The following DAB1 variants were observed in gnomAD, a reference collection of about 807,000 sequenced individuals.
The protein encoded by DAB1 is disabled homolog 1.
Under a neutral mutation model 64.6 loss-of-function variants are expected in DAB1, and 15 were observed. The observed-to-expected ratio is 0.23, with a 90% CI of 0.16 to 0.36. The LOEUF (loss-of-function observed/expected upper bound fraction) is 0.36. Among genes scored for constraint, DAB1 ranks in the 10% least tolerant of loss-of-function variants. The pLI is 1.00. For synonymous variants in DAB1, 235 were observed against 251.9 expected (o/e 0.93, Z 0.64); for missense variants, 596 against 706.7 (o/e 0.84, Z 1.78).
rs190833793 is a variant in DAB1, at chr1:58,445,300, G to A, written n.257+60760C>T. Among the ~76,000 whole-genome samples the A allele has an allele frequency of 1.4e-3, 213 of 152,318 alleles. 1 individual carries two copies. The highest frequency in any genetic ancestry group is 5.0e-3 in the African/African-American group (206 of 41,566). On this transcript the variant is annotated intron_variant and non_coding_transcript_variant, in intron 3 of 20. Coordinates refer to the DAB1 transcript ENST00000485760. The stretch of plus-strand genomic sequence containing the variant: ...ACTATATTAGTAGCAGTAGTATAAA[G>A]TTCCCAATAATTGGATGAAATAAAA...
intron 4 of DAB1, among the ~76,000 whole-genome samples, chr1:57,129,910 G>C (rs556204): frequency 0.26 from 38,795 of 151,790 alleles, 6,918 homozygotes; most frequent in African/African-American, 0.51. Context: ...CCTCCCTTCT[G>C]TGTTTCATTC....
chr1:57,586,721 T>A (rs1213036947), intron 7 of DAB1, among the ~76,000 whole-genome samples: 1 of 151,734 alleles, frequency 6.6e-6, no homozygotes, highest in Non-Finnish European at 1.5e-5. Context: ...TTTTCCTACT[T>A]CCATTATCCA....
chr1:57,860,622 C>T (rs147426487), intron 1 of DAB1: 1 of 152,332 alleles, frequency 6.6e-6, no homozygotes, highest in East Asian at 1.9e-4. Context: ...GAGGCAGGCA[C>T]TTGCTTGCAG....
intron 1 of DAB1, among the ~76,000 whole-genome samples, chr1:57,841,695 AC>A (rs1192216921): frequency 6.6e-6 from 1 of 152,210 alleles, no homozygotes; most frequent in Non-Finnish European, 1.5e-5. Flanking sequence ...GCAGGGTGCC[AC>A]ATCTCGAGGC....
intron 4 of DAB1, among the ~76,000 whole-genome samples, chr1:58,184,895 T>C (rs1656986950): frequency 6.6e-6 from 1 of 152,146 alleles, no homozygotes; most frequent in Non-Finnish European, 1.5e-5. Context: ...AGCTCAGGCA[T>C]GGGAACAAGA....
intron 1 of DAB1, chr1:58,536,468 G>C: frequency 1.3e-6 from 1 of 784,272 alleles, no homozygotes; most frequent in East Asian, 2.4e-5. Flanking sequence ...CCTACTTTGA[G>C]TGTTATATTA....
chr1:57,658,448 C>T (rs866326204), intron 6 of DAB1, among the ~76,000 whole-genome samples: 47 of 151,776 alleles, frequency 3.1e-4, no homozygotes, highest in African/African-American at 1.1e-3. Flanking sequence ...GGACTACAGG[C>T]GCCCACCACC....
At chr1:58,049,786 T>C (rs1221859762) in intron 5 of DAB1, among the ~76,000 whole-genome samples, 5 of 152,050 alleles carry the variant, frequency 3.3e-5, no homozygotes, top group African/African-American at 4.8e-5. Context: ...TAGATACTTA[T>C]TGAATACATA....
At chr1:58,507,150 GGATT>G (rs547648110) in intron 2 of DAB1, among the ~76,000 whole-genome samples, 305 of 151,588 alleles carry the variant, frequency 2.0e-3, no homozygotes, top group African/African-American at 6.9e-3. Context: ...TCCATAAGGT[GGATT>G]ATTAACAAAT....
At chr1:58,268,005 C>G (rs1661214677) in intron 4 of DAB1, among the ~76,000 whole-genome samples, 1 of 152,172 alleles carries the variant, frequency 6.6e-6, no homozygotes, top group Non-Finnish European at 1.5e-5. Flanking sequence ...CAGGCAGGGA[C>G]TCAATCTCAT....
intron 7 of DAB1, among the ~76,000 whole-genome samples, chr1:57,505,314 T>C (rs1644331828): frequency 6.6e-6 from 1 of 152,218 alleles, no homozygotes; most frequent in Non-Finnish European, 1.5e-5. Context: ...GCTAATTTAA[T>C]TTTCACAGCA....
intron 2 of DAB1, among the ~76,000 whole-genome samples, chr1:57,271,497 C>T (rs1260344973): frequency 1.3e-5 from 2 of 152,124 alleles, no homozygotes; most frequent in Admixed American, 1.3e-4. Flanking sequence ...TACTGAACAC[C>T]GACTTTGCGA....
chr1:57,469,253 CAATT>C (rs1392605987), intron 7 of DAB1, among the ~76,000 whole-genome samples: 1 of 152,122 alleles, frequency 6.6e-6, no homozygotes, highest in African/African-American at 2.4e-5. Flanking sequence ...TTTAAGGAAA[CAATT>C]AACATATGCA....
intron 2 of DAB1, among the ~76,000 whole-genome samples, chr1:57,272,881 T>C (rs1671123269): frequency 6.6e-6 from 1 of 152,288 alleles, no homozygotes; most frequent in South Asian, 2.1e-4. Flanking sequence ...AAGATGAGCA[T>C]TCTCCTTTGT....
At chr1:58,175,074 A>G (rs1261055654) in intron 4 of DAB1, among the ~76,000 whole-genome samples, 1 of 152,356 alleles carries the variant, frequency 6.6e-6, no homozygotes, top group Non-Finnish European at 1.5e-5. Flanking sequence ...GTCCCCCTCC[A>G]TTCTGCGGAA....
In DAB1 at chr1:58,186,028, G is replaced by A. The variant is rs984099012; in HGVS notation, n.310-35440C>T. Among the ~76,000 whole-genome samples the A allele has an allele frequency of 3.3e-5, 5 of 152,052 alleles. No individual in the cohort carries two copies. The East Asian group carries it at 9.6e-4, about 29-fold the overall frequency. ...ATTTCCTGAACTTTCTTCCAGAAAGGGTACAGTCATGTGACATAATTCTCT... is the reference window on the plus strand; with the variant it reads ...ATTTCCTGAACTTTCTTCCAGAAAGAGTACAGTCATGTGACATAATTCTCT... On this transcript the variant is annotated intron_variant and non_coding_transcript_variant, in intron 4 of 20. Coordinates refer to the DAB1 transcript ENST00000485760.
At chr1:58,398,793 T>C (rs866396608) in intron 3 of DAB1, among the ~76,000 whole-genome samples, 48 of 152,180 alleles carry the variant, frequency 3.2e-4, no homozygotes, top group African/African-American at 9.4e-4. Context: ...AGTGCAGTTC[T>C]TTACTGGCTA....
intron 6 of DAB1, among the ~76,000 whole-genome samples, chr1:57,698,618 T>C (rs1025153715): frequency 1.3e-5 from 2 of 152,210 alleles, no homozygotes; most frequent in Non-Finnish European, 2.9e-5. Flanking sequence ...GTTTGTTGAA[T>C]GGGCAAATCA....
intron 4 of DAB1, among the ~76,000 whole-genome samples, chr1:57,115,808 G>C (rs2100736570): frequency 6.6e-6 from 1 of 152,262 alleles, no homozygotes; most frequent in Non-Finnish European, 1.5e-5. Context: ...TGGGTAATAA[G>C]GAAATGGGGC....
Sources: gnomAD v4.1 joint callset for allele counts (sites outside exome capture counted in the v4.1 genomes callset) on GRCh38, gnomAD v4.1.1 for gene constraint, MANE v1.5 for transcripts, NCBI Gene and HGNC (gene_info 2026-07-23, HGNC 2026-07-21) for gene names.